The following KCNIP1 variants were observed in gnomAD, a reference collection of about 807,000 sequenced individuals.
KCNIP1 encodes potassium voltage-gated channel interacting protein 1, also known as A-type potassium channel modulatory protein KCNIP1.
In KCNIP1, 18 loss-of-function variants were observed where a neutral mutation model predicts 33.0. The observed-to-expected ratio is 0.55, with a 90% CI of 0.38 to 0.81. The LOEUF is 0.81. Among genes scored for constraint, KCNIP1 ranks in the 30% least tolerant of loss-of-function variants. KCNIP1 has a pLI of 0.00. For synonymous variants in KCNIP1, 93 were observed against 98.3 expected, an observed-to-expected ratio of 0.95 and a Z score of 0.32; for missense variants, 238 against 271.6, an observed-to-expected ratio of 0.88 and a Z score of 0.87.
At chr5:170,568,462 C>T (rs1190790681) in intron 1 of KCNIP1, among the ~76,000 whole-genome samples, 10 of 151,964 alleles carry the variant, frequency 6.6e-5, no homozygotes, top group Non-Finnish European at 1.3e-4. Context: ...ACTTCTGGTG[C>T]TGATGAGCTC....
intron 1 of KCNIP1, among the ~76,000 whole-genome samples, chr5:170,406,988 G>T (rs1168283177): frequency 6.6e-6 from 1 of 152,236 alleles, no homozygotes; most frequent in Non-Finnish European, 1.5e-5. Flanking sequence ...AGACCAAGAA[G>T]TCCATACTGT....
At chr5:170,683,971 G>T (rs1762455232) in intron 1 of KCNIP1, among the ~76,000 whole-genome samples, 1 of 151,550 alleles carries the variant, frequency 6.6e-6, no homozygotes, top group African/African-American at 2.4e-5. Flanking sequence ...TGCCCAGGGT[G>T]GTCTTGAACT....
intron 1 of KCNIP1, among the ~76,000 whole-genome samples, chr5:170,438,487 A>T (rs73800674): frequency 0.033 from 5,010 of 152,212 alleles, 157 homozygotes; most frequent in Admixed American, 0.086. Context: ...GCTTTCTAAA[A>T]TAAAATTTAA....
At chr5:170,541,807 A>AT (rs1349754361) in intron 1 of KCNIP1, among the ~76,000 whole-genome samples, 1 of 152,234 alleles carries the variant, frequency 6.6e-6, no homozygotes, top group East Asian at 1.9e-4. Flanking sequence ...TCTGAGGTCC[A>AT]TTTGCACCTC....
chr5:170,568,272 G>T (rs189244404), intron 1 of KCNIP1, among the ~76,000 whole-genome samples: 2 of 152,288 alleles, frequency 1.3e-5, no homozygotes, highest in Admixed American at 1.3e-4. Flanking sequence ...CATTTCCTGG[G>T]CATGTAGTAT....
chr5:170,484,387 A>C (rs1757039387), intron 1 of KCNIP1, among the ~76,000 whole-genome samples: 1 of 152,056 alleles, frequency 6.6e-6, no homozygotes, highest in South Asian at 2.1e-4. Flanking sequence ...TGGCGAAAAC[A>C]AGCTGATCAG....
chr5:170,433,147 A>G (rs1755781730), intron 1 of KCNIP1, among the ~76,000 whole-genome samples: 1 of 152,180 alleles, frequency 6.6e-6, no homozygotes, highest in Non-Finnish European at 1.5e-5. Context: ...TAATTAAATC[A>G]GTAGAACCCA....
intron 1 of KCNIP1, among the ~76,000 whole-genome samples, chr5:170,406,040 T>C (rs550673519): frequency 1.3e-5 from 2 of 152,246 alleles, no homozygotes; most frequent in East Asian, 3.8e-4. Context: ...TCAAAACTTA[T>C]CTGTCTCCTC....
chr5:170,716,554 G>C (rs1391998351), intron 1 of KCNIP1, among the ~76,000 whole-genome samples: 1 of 152,106 alleles, frequency 6.6e-6, no homozygotes, highest in Admixed American at 6.5e-5. Flanking sequence ...CAAAACAAAA[G>C]CTTGGCAGTC....
At chr5:170,619,037 TGCCTAGCACATG>T (rs147782511) in intron 1 of KCNIP1, among the ~76,000 whole-genome samples, 2,038 of 152,294 alleles carry the variant, frequency 0.013, 49 homozygotes, top group African/African-American at 0.046. Flanking sequence ...GTATCCTCAG[TGCCTAGCACATG>T]GTAAGTGTTC....
At chr5:170,429,040 G>A (rs1026817249) in intron 1 of KCNIP1, among the ~76,000 whole-genome samples, 4 of 152,022 alleles carry the variant, frequency 2.6e-5, no homozygotes, top group South Asian at 2.1e-4. Context: ...GCGGTGAGCC[G>A]AGATCGCGCC....
At chr5:170,471,050 A>G (rs905003671) in intron 1 of KCNIP1, among the ~76,000 whole-genome samples, 22 of 152,156 alleles carry the variant, frequency 1.4e-4, no homozygotes, top group African/African-American at 5.3e-4. Flanking sequence ...TTCCTTGGCT[A>G]TTGTCTTAAG....
chr5:170,615,139 C>T (rs1371581415), intron 1 of KCNIP1, among the ~76,000 whole-genome samples: 5 of 152,188 alleles, frequency 3.3e-5, no homozygotes, highest in East Asian at 3.9e-4. Flanking sequence ...CACTTGAACC[C>T]GGGAGGTGGA....
intron 1 of KCNIP1, among the ~76,000 whole-genome samples, chr5:170,572,060 TG>T (rs1757431464): frequency 6.6e-6 from 1 of 152,060 alleles, no homozygotes; most frequent in African/African-American, 2.4e-5. Context: ...AAGGAAGTGA[TG>T]GGGGCTGGGG....
At chr5:170,566,911 G>A (rs1044225792) in intron 1 of KCNIP1, among the ~76,000 whole-genome samples, 7 of 152,214 alleles carry the variant, frequency 4.6e-5, no homozygotes, top group Non-Finnish European at 1.0e-4. Context: ...GGAGTACCAC[G>A]AACAGAAAGT....
intron 1 of KCNIP1, among the ~76,000 whole-genome samples, chr5:170,698,026 A>T (rs746547820): frequency 6.6e-6 from 1 of 152,142 alleles, no homozygotes; most frequent in African/African-American, 2.4e-5. Context: ...AAATCTATCC[A>T]TACAAGCAAG....
At chr5:170,427,760 G>A (rs535956812) in intron 1 of KCNIP1, among the ~76,000 whole-genome samples, 32 of 152,202 alleles carry the variant, frequency 2.1e-4, no homozygotes, top group South Asian at 8.3e-4. Flanking sequence ...CCACCCCTTC[G>A]CCTTCATCTC....
chr5:170,683,182 A>T (rs1298092953), intron 1 of KCNIP1, among the ~76,000 whole-genome samples: 1 of 152,182 alleles, frequency 6.6e-6, no homozygotes, highest in Non-Finnish European at 1.5e-5. Context: ...GGGAATTAAC[A>T]TTTATTCAAC....
In KCNIP1 at chr5:170,718,883, G is replaced by A. The variant is rs1763719919; in HGVS notation, c.186+1G>A. ...GGTCCTTTATCGAGGCTTCAAAAAT[G>A]TAAGACCCGTGCACGCTCTGAAGGC... On this transcript the variant is annotated splice_donor_variant, in intron 2 of 7. Transcript: ENST00000328939. LOFTEE classifies it high-confidence loss of function. 1 of 1,610,272 alleles carries A rather than the reference G, an allele frequency of 6.2e-7. No homozygotes were observed. Among genetic ancestry groups the A allele is most frequent in the Non-Finnish European group, 8.5e-7 (1 of 1,178,902 alleles).
Sources: allele counts gnomAD v4.1 joint callset (sites outside exome capture counted in the v4.1 genomes callset), GRCh38; gene constraint gnomAD v4.1.1; transcripts MANE v1.5; gene names NCBI Gene and HGNC (gene_info 2026-07-23, HGNC 2026-07-21).